GAREM2: variants seen among roughly 807,000 people sequenced by gnomAD.
The protein encoded by GAREM2 is GRB2-associated and regulator of MAPK protein 2.
A neutral mutation model predicts 55.6 loss-of-function variants in GAREM2; 30 were observed. The observed-to-expected ratio is 0.54, with a 90% CI of 0.40 to 0.73. The LOEUF is 0.73. GAREM2 is among the 30% of genes least tolerant of loss of function. The pLI is 0.00. For synonymous variants in GAREM2, 550 were observed against 569.1 expected, an observed-to-expected ratio of 0.97 and a Z score of 0.48; for missense variants, 1,075 against 1,257.7, an observed-to-expected ratio of 0.85 and a Z score of 2.20.
At chr2:26,178,364 C>T (rs773512333) in intron 2 of GAREM2, among the ~76,000 whole-genome samples, 15 of 151,982 alleles carry the variant, frequency 9.9e-5, no homozygotes, top group Non-Finnish European at 1.6e-4. Flanking sequence ...GAGTTCCAGG[C>T]CAGCCTGGGC....
chr2:26,184,402 C>G lies in GAREM2; in HGVS notation c.554C>G (p.Ala185Gly). 1 of 1,508,162 alleles carries G rather than the reference C, an allele frequency of 6.6e-7. No homozygotes were observed. The highest frequency in any genetic ancestry group is 1.2e-5 in the South Asian group (1 of 81,220). The allele number at this position is 1,508,162 out of a possible 1,614,324, so 93.4% of individuals were successfully genotyped here. A position where few individuals can be genotyped will look rare whatever the true frequency, so the allele number is the denominator to read the frequency against. ...LRKLGRAGAL[A>G]GVGGGGPASA... ...AAGCTGGGCCGGGCCGGGGCGCTGG[C>G]CGGGGTGGGCGGCGGCGGCCCAGCG... Residue 185 changes from alanine to glycine, a missense_variant, in exon 4 of 6, where the codon GCC (alanine) becomes GGC (glycine). Coordinates refer to ENST00000401533, the MANE Select transcript of GAREM2 (RefSeq NM_001168241.2).
chr2:26,177,628 G>A (rs1274589336), intron 2 of GAREM2, among the ~76,000 whole-genome samples: 2 of 152,100 alleles, frequency 1.3e-5, no homozygotes, highest in African/African-American at 4.8e-5. Flanking sequence ...ATAGGTGTGA[G>A]TCACTGGGCC....
chr2:26,197,168 CTTAA>C, the GAREM2 span, among the ~76,000 whole-genome samples: 1 of 152,224 alleles, frequency 6.6e-6, no homozygotes, highest in Non-Finnish European at 1.5e-5. Context: ...TTCACTTCCC[CTTAA>C]TTACTCTGGT....
rs1669149940 is a variant in GAREM2 at position 26,184,372 on chromosome 2, T to A, written c.524T>A (p.Leu175Gln). 7 of 1,542,558 alleles carry A rather than the reference T, an allele frequency of 4.5e-6. No homozygotes were observed. The highest frequency in any genetic ancestry group is 6.1e-6 in the Non-Finnish European group (7 of 1,142,490). ...GAGCGCTCGCGCTTCACCACCCTCC[T>A]GCGAAAGCTGGGCCGGGCCGGGGCG... ...TKERSRFTTL[L>Q]RKLGRAGALA... The change falls in exon 4 of 6, where the codon CTG becomes CAG. Residue 175 changes from leucine to glutamine, a missense_variant. Leu to Gln is a moderately radical substitution (Grantham distance 113). Coordinates refer to ENST00000401533, the MANE Select transcript of GAREM2 (RefSeq NM_001168241.2).
chr2:26,180,493 G>T (rs1669014969), intron 2 of GAREM2, among the ~76,000 whole-genome samples: 3 of 152,170 alleles, frequency 2.0e-5, no homozygotes, highest in African/African-American at 7.2e-5. Context: ...TATTTCACTG[G>T]TGGCACCCAC....
chr2:26,185,754 G>A (rs1297790496), intron 4 of GAREM2, among the ~76,000 whole-genome samples: 2 of 152,116 alleles, frequency 1.3e-5, no homozygotes, highest in Non-Finnish European at 2.9e-5. Flanking sequence ...CGTAACACCC[G>A]TCAGCATCCC....
In GAREM2 at chr2:26,187,490, C is replaced by T. The variant is rs1438847732; in HGVS notation, c.1858C>T (p.Pro620Ser). The T allele has an allele frequency of 6.5e-7, 1 of 1,546,580 alleles. No homozygotes were observed. Residue 620 changes from proline (P) to serine (S), a missense_variant, in exon 6 of 6, where the codon CCC becomes TCC. Pro to Ser is a moderately conservative substitution (Grantham distance 74, BLOSUM62 -1). Coordinates refer to ENST00000401533, the MANE Select transcript of GAREM2 (RefSeq NM_001168241.2). The part of the protein sequence containing the change: ...SCPPLFKPSH[P>S]QKRFAPFGAL... Reference sequence around the variant, plus strand: ...CCCTCCTCTATTCAAGCCCTCACATCCCCAGAAGCGCTTTGCTCCGTTTGG... The same window carrying T: ...CCCTCCTCTATTCAAGCCCTCACATTCCCAGAAGCGCTTTGCTCCGTTTGG...
chr2:26,198,505 A>C, the GAREM2 span, among the ~76,000 whole-genome samples: 1 of 152,024 alleles, frequency 6.6e-6, no homozygotes, highest in Non-Finnish European at 1.5e-5. Flanking sequence ...TTGGATGAGA[A>C]ACGTGGAAGG....
At chr2:26,204,022 A>G in the GAREM2 span, 1 of 1,603,878 alleles carries the variant, frequency 6.2e-7, no homozygotes. Flanking sequence ...CAAGAAACAA[A>G]GGACATTCTA....
chr2:26,191,620 T>C (rs759778780), downstream of GAREM2: 9 of 1,613,948 alleles, frequency 5.6e-6, no homozygotes, highest in East Asian at 1.8e-4. Context: ...GATGTCTTCG[T>C]CTGATGAGCT....
At chr2:26,191,602 C>A (rs1204190984), downstream of GAREM2, 4 of 1,613,914 alleles carry the variant, frequency 2.5e-6, no homozygotes, top group African/African-American at 4.0e-5. Flanking sequence ...TGTCACCAGG[C>A]GGAACTGGAT....
At position 26,176,541 on chromosome 2, in the gene GAREM2, A is replaced by G. The variant is rs970270866; in HGVS notation, c.253+57A>G. On this transcript the variant is annotated intron_variant, in intron 2 of 5. Transcript: ENST00000401533. ...CTGTAGGGGGGTGTAGGCAGGAGGG[A>G]CTGGGGCCAGGGGTAGGGGGAACGC... 3 of 1,407,264 alleles carry G rather than the reference A, an allele frequency of 2.1e-6. No homozygotes were observed. In the African/African-American group the frequency reaches 4.3e-5, roughly 20 times the overall value. The allele number at this position is 1,407,264 out of a possible 1,614,324, so 87.2% of individuals were successfully genotyped here.
In GAREM2 at chr2:26,188,884, C is replaced by T. The variant is rs938847227; in HGVS notation, c.*627C>T. On this transcript the variant is annotated 3_prime_UTR_variant, in exon 6 of 6. Transcript: ENST00000401533. ...ACCTCAGAGGCTCCACCTGTGGGTC[C>T]TGGTTCATGGGTGACAACTTTGGAA... The T allele has an allele frequency of 2.0e-5, 3 of 152,294 alleles. No homozygotes were observed. The highest frequency in any genetic ancestry group is 2.4e-5 in the African/African-American group (1 of 41,458). The allele number at this position is 152,294 out of a possible 1,614,324, so 9.4% of individuals were successfully genotyped here.
At chr2:26,185,450 C>T (rs1380707416) in intron 4 of GAREM2, among the ~76,000 whole-genome samples, 174 bp downstream of exon 4, 1 of 152,154 alleles carries the variant, frequency 6.6e-6, no homozygotes, top group African/African-American at 2.4e-5. Context: ...GTAAGGGGCA[C>T]TGGGGCGGGC....
At chr2:26,191,859 C>T (rs529622107), downstream of GAREM2, among the ~76,000 whole-genome samples, 31 of 152,254 alleles carry the variant, frequency 2.0e-4, no homozygotes, top group Middle Eastern at 3.4e-3. Context: ...GGCCTGGTGC[C>T]GAGAAGATAA....
intron 2 of GAREM2, chr2:26,181,122 G>A: frequency 1.0e-5 from 10 of 985,444 alleles, no homozygotes; most frequent in Non-Finnish European, 1.2e-5. Flanking sequence ...TTTTAATAGA[G>A]CTGAACCTGG....
intron 5 of GAREM2, among the ~76,000 whole-genome samples, chr2:26,186,962 G>A (rs1014170549): frequency 6.6e-5 from 10 of 152,164 alleles, no homozygotes; most frequent in African/African-American, 1.4e-4. Context: ...GCAACAGAGC[G>A]AGAACACCAT....
At chr2:26,190,472 C>T (rs898178499), downstream of GAREM2, among the ~76,000 whole-genome samples, 13 of 152,270 alleles carry the variant, frequency 8.5e-5, no homozygotes, top group Middle Eastern at 3.4e-3. Context: ...GCCTGATTAC[C>T]GCACAGGCAT....
chr2:26,200,922 T>C, the GAREM2 span, among the ~76,000 whole-genome samples: 2 of 151,880 alleles, frequency 1.3e-5, no homozygotes, highest in African/African-American at 2.4e-5. Context: ...CTAGTAGAGA[T>C]GGGGTTTCAT....
Sources: gnomAD v4.1 joint callset for allele counts (sites outside exome capture counted in the v4.1 genomes callset) on GRCh38, gnomAD v4.1.1 for gene constraint, MANE v1.5 for transcripts, NCBI Gene and HGNC (gene_info 2026-07-23, HGNC 2026-07-21) for gene names.